Variants in MIR2052HG observed in about 807,000 individuals in gnomAD.
The protein encoded by MIR2052HG is MIR2052 host gene.
At chr8:74,684,396 G>A (rs1192909490) in intron 2 of MIR2052HG, among the ~76,000 whole-genome samples, 1 of 151,964 alleles carries the variant, frequency 6.6e-6, no homozygotes, top group African/African-American at 2.4e-5. Flanking sequence ...ATCTACTAAC[G>A]TTCCGTTCGC....
At chr8:74,705,865 T>C (rs368023776) in intron 4 of MIR2052HG, 14 of 156,296 alleles carry the variant, frequency 9.0e-5, no homozygotes, top group African/African-American at 3.4e-4. Flanking sequence ...CAAGCAGAAA[T>C]CAGAAAAAAA....
At chr8:74,648,223 C>T (rs1189170087) in intron 2 of MIR2052HG, among the ~76,000 whole-genome samples, 1 of 152,032 alleles carries the variant, frequency 6.6e-6, no homozygotes, top group East Asian at 1.9e-4. Context: ...GGAATGCATT[C>T]CTGGGGGGAG....
chr8:74,729,500 T>G (rs1296491617), intron 4 of MIR2052HG, among the ~76,000 whole-genome samples: 1 of 152,158 alleles, frequency 6.6e-6, no homozygotes, highest in Non-Finnish European at 1.5e-5. Context: ...GATGTCTATC[T>G]TAGAATCTGT....
At chr8:74,724,300 T>C (rs1192497253) in intron 4 of MIR2052HG, among the ~76,000 whole-genome samples, 1 of 152,112 alleles carries the variant, frequency 6.6e-6, no homozygotes, top group East Asian at 1.9e-4. Flanking sequence ...TTCCTTCTAC[T>C]GGCAATGTTT....
chr8:74,646,878 T>C (rs770135707), intron 2 of MIR2052HG, among the ~76,000 whole-genome samples: 2 of 152,104 alleles, frequency 1.3e-5, no homozygotes, highest in Non-Finnish European at 2.9e-5. Flanking sequence ...TAGTGAGCTT[T>C]GGTCAAGCCA....
chr8:74,701,889 T>G (rs1056342453), intron 2 of MIR2052HG, among the ~76,000 whole-genome samples: 1 of 152,150 alleles, frequency 6.6e-6, no homozygotes, highest in Non-Finnish European at 1.5e-5. Flanking sequence ...GGTGAGTTTC[T>G]GGTAGCTTAT....
intron 4 of MIR2052HG, among the ~76,000 whole-genome samples, chr8:74,722,089 A>G (rs1043792587): frequency 6.6e-6 from 1 of 152,024 alleles, no homozygotes; most frequent in Non-Finnish European, 1.5e-5. Context: ...ACTTGGGAGG[A>G]TCGCTTGATC....
intron 4 of MIR2052HG, among the ~76,000 whole-genome samples, chr8:74,752,008 C>T (rs902582913): frequency 1.3e-5 from 2 of 152,082 alleles, no homozygotes; most frequent in Admixed American, 1.3e-4. Flanking sequence ...ACAGTCTAGG[C>T]ATAGTCATAC....
intron 2 of MIR2052HG, among the ~76,000 whole-genome samples, chr8:74,683,259 T>C (rs1434367434): frequency 6.6e-6 from 1 of 152,128 alleles, no homozygotes; most frequent in Non-Finnish European, 1.5e-5. Context: ...AGGATAATAG[T>C]TCTTTAAGAA....
intron 2 of MIR2052HG, among the ~76,000 whole-genome samples, chr8:74,677,898 G>T (rs1406830995): frequency 1.3e-5 from 2 of 152,108 alleles, no homozygotes; most frequent in Non-Finnish European, 2.9e-5. Flanking sequence ...ACTCTGATGA[G>T]ACTGATTGAG....
chr8:74,656,503 AG>A (rs1251288005), intron 2 of MIR2052HG, among the ~76,000 whole-genome samples: 1 of 152,162 alleles, frequency 6.6e-6, no homozygotes, highest in African/African-American at 2.4e-5. Context: ...GGTTTCCTCT[AG>A]CTTCTTGCTC....
At chr8:74,642,430 G>A (rs1302408968) in intron 2 of MIR2052HG, among the ~76,000 whole-genome samples, 1 of 152,086 alleles carries the variant, frequency 6.6e-6, no homozygotes, top group East Asian at 1.9e-4. Flanking sequence ...GCCAGGAATT[G>A]TTGTAGATGC....
At chr8:74,713,051 A>G (rs1809486132) in intron 4 of MIR2052HG, among the ~76,000 whole-genome samples, 1 of 152,194 alleles carries the variant, frequency 6.6e-6, no homozygotes, top group Non-Finnish European at 1.5e-5. Flanking sequence ...GTGGTTAAAG[A>G]AAGACATCTG....
rs574390994 is a variant in MIR2052HG, at chr8:74,711,441, A to G, written n.371+7759A>G. Among the ~76,000 whole-genome samples the G allele has an allele frequency of 9.9e-5, 15 of 152,198 alleles. 1 individual carries two copies. Among genetic ancestry groups the G allele is most frequent in the Admixed American group, 5.9e-4 (9 of 15,270 alleles). On this transcript the variant is annotated intron_variant and non_coding_transcript_variant, in intron 4 of 6. Transcript: ENST00000523442. ...TAGAATTTCAGCTAGATTTTATATA[A>G]TAGTAGGCACTCCATACATGTTGAG...
intron 2 of MIR2052HG, among the ~76,000 whole-genome samples, chr8:74,631,153 G>A (rs537137048): frequency 6.6e-6 from 1 of 152,282 alleles, no homozygotes; most frequent in South Asian, 2.1e-4. Context: ...CAGAGTCTAT[G>A]CCCACCTCAT....
At chr8:74,685,344 C>T (rs1163434592) in intron 2 of MIR2052HG, among the ~76,000 whole-genome samples, 1 of 151,988 alleles carries the variant, frequency 6.6e-6, no homozygotes, top group Non-Finnish European at 1.5e-5. Context: ...TTTGAGAAAA[C>T]CATTTGCCAC....
intron 2 of MIR2052HG, among the ~76,000 whole-genome samples, chr8:74,640,499 C>T (rs1045942353): frequency 6.1e-5 from 9 of 148,544 alleles, no homozygotes; most frequent in African/African-American, 2.2e-4. Flanking sequence ...AGAGTGGGCG[C>T]TGATGCTCTC....
intron 4 of MIR2052HG, among the ~76,000 whole-genome samples, chr8:74,741,982 T>G (rs1809836111): frequency 6.6e-6 from 1 of 152,228 alleles, no homozygotes; most frequent in South Asian, 2.1e-4. Flanking sequence ...CTACTCTGTG[T>G]ATACCTGTGA....
Position 74,749,540 on chromosome 8 carries a change from A to G in MIR2052HG, n.372-2901A>G, listed in dbSNP as rs112891924. ...CATAATTTCAAGTTCGACATCATAA[A>G]GTGAATGTGACATTAAATAAGCTTC... is the stretch of plus-strand genomic sequence containing the variant. On this transcript the variant is annotated intron_variant and non_coding_transcript_variant, in intron 4 of 6. Transcript: ENST00000523442. Among the ~76,000 whole-genome samples the G allele has an allele frequency of 1.2e-4, 19 of 152,300 alleles. 3 individuals are homozygous for G. Among genetic ancestry groups the G allele is most frequent in the African/African-American group, 4.3e-4 (18 of 41,572 alleles).
Sources: gnomAD v4.1 joint callset for allele counts (sites outside exome capture counted in the v4.1 genomes callset) on GRCh38, gnomAD v4.1.1 for gene constraint, MANE v1.5 for transcripts, NCBI Gene and HGNC (gene_info 2026-07-23, HGNC 2026-07-21) for gene names.